The following APTX variants were observed in gnomAD, a reference collection of about 807,000 sequenced individuals.
APTX encodes aprataxin.
APTX carries 33 observed loss-of-function variants against 42.3 expected under a neutral mutation model. The ratio of observed to expected loss-of-function variants is 0.78; its 90% CI spans 0.59 to 1.04. The LOEUF (loss-of-function observed/expected upper bound fraction) is 1.04, where lower values mean the gene tolerates loss of function less well. APTX is among the 50% of genes least tolerant of loss of function. The pLI is 0.00. For synonymous variants in APTX, 130 were observed against 146.7 expected (o/e 0.89, Z 0.82); for missense variants, 421 against 415.1 (o/e 1.01, Z -0.12).
At chr9:32,993,983 T>C (rs1471779736) in intron 1 of APTX, among the ~76,000 whole-genome samples, 2 of 152,190 alleles carry the variant, frequency 1.3e-5, no homozygotes, top group African/African-American at 4.8e-5. Context: ...CCTCCCAAAG[T>C]GCTGGGATTA....
chr9:32,991,553 G>A (rs1833639493), intron 1 of APTX, among the ~76,000 whole-genome samples: 1 of 152,076 alleles, frequency 6.6e-6, no homozygotes, highest in Admixed American at 6.5e-5. Context: ...GGAGCCCAAG[G>A]CAGGCGGATC....
At chr9:32,996,361 A>C (rs1337984893) in intron 1 of APTX, among the ~76,000 whole-genome samples, 2 of 151,580 alleles carry the variant, frequency 1.3e-5, no homozygotes, top group East Asian at 3.9e-4. Context: ...TGCAGCCTCA[A>C]CTTCCTTGGG....
At chr9:33,014,314 T>G (rs1837747499) in intron 1 of APTX, among the ~76,000 whole-genome samples, 1 of 152,038 alleles carries the variant, frequency 6.6e-6, no homozygotes, top group Admixed American at 6.6e-5. Context: ...CAAACACCCC[T>G]GGCCTCACTC....
At chr9:32,999,757 C>T (rs1563988612) in intron 1 of APTX, among the ~76,000 whole-genome samples, 1 of 152,084 alleles carries the variant, frequency 6.6e-6, no homozygotes, top group African/African-American at 2.4e-5. Context: ...AGGCAGATTA[C>T]GAGGTCAGGA....
chr9:32,977,765 G>T (rs113618055), intron 6 of APTX, among the ~76,000 whole-genome samples: 1 of 151,920 alleles, frequency 6.6e-6, no homozygotes, highest in Admixed American at 6.6e-5. Context: ...CAGGAGGCAG[G>T]GGTTTCAGGG....
Position 32,985,929 on chromosome 9 carries a change from T to C in APTX, c.543+42A>G, listed in dbSNP as rs779193769. The C allele has an allele frequency of 3.8e-5, 59 of 1,568,774 alleles. No individual in the cohort carries two copies. In the East Asian group the frequency reaches 1.3e-3, roughly 35 times the overall value. ...TTAAGACCTCTGTGGAGTGGTCATT[T>C]ACAACATGAAATGTACTGAAATTCC... On this transcript the variant is annotated intron_variant, in intron 5 of 7. Transcript: ENST00000379817.
intron 1 of APTX, among the ~76,000 whole-genome samples, chr9:32,994,537 G>A (rs1184796432): frequency 6.6e-6 from 1 of 152,158 alleles, no homozygotes; most frequent in Non-Finnish European, 1.5e-5. Context: ...ACATTTGAAA[G>A]ATATTGCATT....
chr9:33,021,828 T>C (rs1240111623), intron 1 of APTX, among the ~76,000 whole-genome samples: 1 of 151,958 alleles, frequency 6.6e-6, no homozygotes, highest in African/African-American at 2.4e-5. Flanking sequence ...AATTTAAGTT[T>C]AAAATGGAAC....
chr9:33,014,633 G>A (rs77746574), intron 1 of APTX, among the ~76,000 whole-genome samples: 11,406 of 151,722 alleles, frequency 0.075, 592 homozygotes, highest in Non-Finnish European at 0.12. Flanking sequence ...GGTCTTGTCC[G>A]TTAGACATTC....
At chr9:33,003,132 T>C (rs1836827832), upstream of APTX, among the ~76,000 whole-genome samples, 1 of 152,206 alleles carries the variant, frequency 6.6e-6, no homozygotes, top group African/African-American at 2.4e-5. Context: ...GGGTGCTTCT[T>C]TGACCTGCCT....
chr9:32,978,119 T>C (rs528031714), intron 6 of APTX, among the ~76,000 whole-genome samples: 2 of 152,334 alleles, frequency 1.3e-5, no homozygotes, highest in East Asian at 1.9e-4. Flanking sequence ...CGGGGAAAAC[T>C]ATCCATTTTT....
Position 32,989,396 on chromosome 9 carries a change from G to A in APTX, c.133+363C>T, listed in dbSNP as rs537453609. ...TTGCGTGAAGCAATATGTAAAGGACGGCACTACCCCATTACTTCTCAGAAA... is the reference window on the plus strand; with the variant it reads ...TTGCGTGAAGCAATATGTAAAGGACAGCACTACCCCATTACTTCTCAGAAA... On this transcript the variant is annotated intron_variant, in intron 2 of 7. Coordinates refer to ENST00000379817, the MANE Select transcript of APTX (RefSeq NM_001195248.2). Among the ~76,000 whole-genome samples the A allele has an allele frequency of 8.4e-4, 128 of 152,190 alleles. 1 individual carries two copies. Among genetic ancestry groups the A allele is most frequent in the African/African-American group, 3.0e-3 (125 of 41,492 alleles).
In APTX at chr9:32,980,277, T is replaced by C. The variant is rs187317111; in HGVS notation, c.770+4354A>G. On this transcript the variant is annotated intron_variant, in intron 6 of 7. Transcript: ENST00000379817. ...GCATTAACTGATATTCTGATTCTTC[T>C]GGGGGCTGTAATAATTCCATGGTCA... The C allele has an allele frequency of 1.4e-3, 219 of 154,948 alleles. 1 individual carries two copies. The highest frequency in any genetic ancestry group is 2.5e-4 in the Non-Finnish European group (17 of 68,616). 9.6% of individuals were successfully genotyped at this position (154,948 alleles called of 1,614,324 possible).
rs373304582 is a variant in APTX at position 32,986,032 on chromosome 9, T to TAAAAAAA, written c.484-9_484-3dup. ...TTGACTCCAGTGGCCCAGGGATTCC[T>TAAAAAAA]AAAAAAAAAACAAAAAAAAAAACAA... On this transcript the variant is annotated splice_polypyrimidine_tract_variant and splice_region_variant and intron_variant, in intron 4 of 7. Coordinates refer to ENST00000379817, the MANE Select transcript of APTX (RefSeq NM_001195248.2). The TAAAAAAA allele has an allele frequency of 3.3e-5, 24 of 733,216 alleles. No homozygotes were observed. The African/African-American group carries it at 5.4e-4, about 16-fold the overall frequency. The allele number at this position is 733,216 out of a possible 1,614,324, so 45.4% of individuals were successfully genotyped here. A position where few individuals can be genotyped will look rare whatever the true frequency, so the allele number is the denominator to read the frequency against.
intron 1 of APTX, among the ~76,000 whole-genome samples, chr9:33,022,729 G>T (rs914472596): frequency 6.6e-6 from 1 of 152,234 alleles, no homozygotes; most frequent in Non-Finnish European, 1.5e-5. Flanking sequence ...AGGGCAAGCT[G>T]TAAACAGCTT....
At chr9:32,995,425 G>A (rs1397184880) in intron 1 of APTX, among the ~76,000 whole-genome samples, 1 of 152,210 alleles carries the variant, frequency 6.6e-6, no homozygotes, top group Non-Finnish European at 1.5e-5. Flanking sequence ...CAATATAGCA[G>A]AAATAAAGAG....
intron 1 of APTX, among the ~76,000 whole-genome samples, chr9:32,994,689 T>C (rs1005006730): frequency 1.3e-5 from 2 of 152,236 alleles, no homozygotes; most frequent in South Asian, 4.1e-4. Context: ...GTTATTATTA[T>C]ATCTGTTACA....
chr9:32,982,451 A>C (rs1466141682), intron 6 of APTX, among the ~76,000 whole-genome samples: 1 of 152,236 alleles, frequency 6.6e-6, no homozygotes, highest in Non-Finnish European at 1.5e-5. Flanking sequence ...ATCTACAGTT[A>C]GTATTATGAA....
chr9:32,995,979 A>AC (rs750648832), intron 1 of APTX, among the ~76,000 whole-genome samples: 5 of 151,676 alleles, frequency 3.3e-5, no homozygotes, highest in Admixed American at 2.0e-4. Context: ...TCAAGGCAAG[A>AC]CCCCCCCTAC....
Sources: gnomAD v4.1 joint callset for allele counts (sites outside exome capture counted in the v4.1 genomes callset) on GRCh38, gnomAD v4.1.1 for gene constraint, MANE v1.5 for transcripts, NCBI Gene and HGNC (gene_info 2026-07-23, HGNC 2026-07-21) for gene names.